EPN2: variants seen among roughly 807,000 people sequenced by gnomAD.
EPN2 encodes the protein epsin 2.
A neutral mutation model predicts 61.7 loss-of-function variants in EPN2; 34 were observed. That is an observed-to-expected ratio of 0.55 (90% CI 0.42 to 0.73). The LOEUF (loss-of-function observed/expected upper bound fraction) is 0.73, where lower values mean the gene tolerates loss of function less well. EPN2 is among the 30% of genes least tolerant of loss of function. The pLI is 0.00. For synonymous variants in EPN2, 349 were observed against 353.6 expected (o/e 0.99, Z 0.15); for missense variants, 714 against 839.2 (o/e 0.85, Z 1.84).
intron 1 of EPN2, among the ~76,000 whole-genome samples, chr17:19,247,930 CA>C (rs1490023368): frequency 1.3e-5 from 2 of 152,162 alleles, no homozygotes; most frequent in African/African-American, 4.8e-5. Flanking sequence ...TGGGAGCCTG[CA>C]AATCATGTGG....
intron 1 of EPN2, among the ~76,000 whole-genome samples, chr17:19,264,500 T>C (rs2045175768): frequency 6.6e-6 from 1 of 152,226 alleles, no homozygotes; most frequent in Non-Finnish European, 1.5e-5. Flanking sequence ...CTTATCTTGC[T>C]GATTCTCGCT....
chr17:19,299,364 T>A (rs973228331), intron 4 of EPN2, among the ~76,000 whole-genome samples: 55 of 152,240 alleles, frequency 3.6e-4, no homozygotes, highest in Admixed American at 6.5e-5. Flanking sequence ...TCAGAACCCC[T>A]CCTCCCACCC....
intron 4 of EPN2, among the ~76,000 whole-genome samples, chr17:19,293,346 G>C (rs2152222316): frequency 6.7e-6 from 1 of 149,876 alleles, no homozygotes; most frequent in Admixed American, 6.6e-5. Flanking sequence ...CTCCAGCCTG[G>C]GTGACAAGAG....
chr17:19,288,108 C>T (rs1475166894), intron 4 of EPN2, among the ~76,000 whole-genome samples: 3 of 152,248 alleles, frequency 2.0e-5, no homozygotes, highest in East Asian at 1.9e-4. Context: ...GAGCCTTTGA[C>T]GTTGCAGACC....
intron 4 of EPN2, among the ~76,000 whole-genome samples, chr17:19,301,825 G>A (rs1392676243): frequency 6.6e-6 from 1 of 152,058 alleles, no homozygotes; most frequent in Non-Finnish European, 1.5e-5. Flanking sequence ...ATTTGTTTAT[G>A]GTCTCTCCTT....
chr17:19,251,552 G>C (rs1014637656), intron 1 of EPN2, among the ~76,000 whole-genome samples: 2 of 152,046 alleles, frequency 1.3e-5, no homozygotes, highest in Admixed American at 6.6e-5. Flanking sequence ...TCTTGCCTCA[G>C]CCTCCTGAGT....
rs186521118 is a variant in EPN2, at chr17:19,267,815, A to G, written c.-293-14140A>G. ...CTCAGCCTCCCAAAGTGCCGGGATTACAGGCAGGAGCCACCGCGTCCGGCC... is the reference window on the plus strand; with the variant it reads ...CTCAGCCTCCCAAAGTGCCGGGATTGCAGGCAGGAGCCACCGCGTCCGGCC... On this transcript the variant is annotated intron_variant, in intron 1 of 10. Coordinates refer to ENST00000314728, the MANE Select transcript of EPN2 (RefSeq NM_014964.5). Among the ~76,000 whole-genome samples the G allele has an allele frequency of 4.6e-5, 7 of 152,300 alleles. No individual in the cohort carries two copies. In the East Asian group the frequency reaches 1.2e-3, roughly 25 times the overall value.
intron 1 of EPN2, among the ~76,000 whole-genome samples, chr17:19,241,159 A>G (rs1367386627): frequency 2.0e-5 from 3 of 152,320 alleles, no homozygotes; most frequent in South Asian, 2.1e-4. Flanking sequence ...GAAGAGACAC[A>G]CTGCAAGTTA....
At chr17:19,313,523 A>G (rs1329401953) in intron 7 of EPN2, 5 of 408,622 alleles carry the variant, frequency 1.2e-5, no homozygotes, top group Admixed American at 4.2e-5. Context: ...CCTCCCCTCA[A>G]CCTCCCATTT....
At position 19,283,309 on chromosome 17, in the gene EPN2, C is replaced by T; in HGVS notation, c.190C>T (p.Leu64=). The change falls in exon 3 of 11, where the codon CTG becomes TTG. Residue 64 remains leucine, a synonymous_variant. Coordinates refer to ENST00000314728, the MANE Select transcript of EPN2 (RefSeq NM_014964.5). The surrounding 1 kb of genome is among the most constrained non-coding windows in gnomAD (Gnocchi z 7.0). The stretch of plus-strand genomic sequence containing the variant: ...GATCATGAGCATGGTGTGGAAGCGG[C>T]TGAATGACCATGGCAAGAACTGGCG... ...SEIMSMVWKR[L]NDHGKNWRHV... is the part of the protein sequence containing the mutation. The T allele has an allele frequency of 6.2e-7, 1 of 1,614,126 alleles. No homozygotes were observed. The highest frequency in any genetic ancestry group is 8.5e-7 in the Non-Finnish European group (1 of 1,180,022).
In EPN2 at chr17:19,333,846, GCT is replaced by G. The variant is rs1186446344; in HGVS notation, c.1628-107_1628-106del. 3.5e-6 allele frequency: 3 copies of G among 860,622 alleles called. No individual in the cohort carries two copies. In the East Asian group the frequency reaches 8.6e-5, roughly 25 times the overall value. The allele number at this position is 860,622 out of a possible 1,614,324, so 53.3% of individuals were successfully genotyped here. A position where few individuals can be genotyped will look rare whatever the true frequency, so the allele number is the denominator to read the frequency against. ...ATGGACTCGGCCGGCACTGTCACGG[GCT>G]CTGAGGGCACAGCAGGGACCAGAAC... is the stretch of plus-strand genomic sequence containing the variant. On this transcript the variant is annotated intron_variant, in intron 10 of 10. Coordinates refer to ENST00000314728, the MANE Select transcript of EPN2 (RefSeq NM_014964.5).
At chr17:19,264,022 T>C (rs1307951319) in intron 1 of EPN2, among the ~76,000 whole-genome samples, 1 of 152,186 alleles carries the variant, frequency 6.6e-6, no homozygotes, top group Admixed American at 6.5e-5. Context: ...TTTCTGAGTT[T>C]AGGAGCAGCT....
chr17:19,243,450 C>T (rs545719345), intron 1 of EPN2, among the ~76,000 whole-genome samples: 16 of 134,348 alleles, frequency 1.2e-4, no homozygotes, highest in African/African-American at 2.1e-4. Flanking sequence ...TGGAGTGCAG[C>T]GGCGCGATCT....
chr17:19,329,346 C>G (rs994912179), intron 8 of EPN2: 29 of 516,590 alleles, frequency 5.6e-5, no homozygotes, highest in Non-Finnish European at 8.5e-5. Context: ...ATCCCACACC[C>G]TGTCCTGGGA....
chr17:19,298,337 G>A (rs2045541036), intron 4 of EPN2, among the ~76,000 whole-genome samples: 2 of 152,052 alleles, frequency 1.3e-5, no homozygotes, highest in Admixed American at 1.3e-4. Flanking sequence ...TGGGATTATA[G>A]GTGTGTGCCA....
chr17:19,243,242 CAG>C (rs1434170358), intron 1 of EPN2, among the ~76,000 whole-genome samples: 12 of 128,532 alleles, frequency 9.3e-5, no homozygotes, highest in East Asian at 2.3e-4. Context: ...TTTTTTGAGA[CAG>C]AGTCTTGTTC....
intron 4 of EPN2, among the ~76,000 whole-genome samples, chr17:19,293,398 C>CTT (rs1310731472): frequency 6.6e-6 from 1 of 150,390 alleles, no homozygotes; most frequent in Non-Finnish European, 1.5e-5. Context: ...AAGACAGGGT[C>CTT]TTGCTCTGTT....
intron 4 of EPN2, among the ~76,000 whole-genome samples, chr17:19,293,427 T>G (rs1273749499): frequency 1.3e-5 from 2 of 149,200 alleles, no homozygotes; most frequent in African/African-American, 2.5e-5. Context: ...TGGAGTGCAG[T>G]GGTGTGATTG....
At chr17:19,276,777 T>TTTTTTTTTTGTTTG (rs1479543609) in intron 1 of EPN2, among the ~76,000 whole-genome samples, 11 of 148,372 alleles carry the variant, frequency 7.4e-5, no homozygotes, top group South Asian at 4.2e-4. Flanking sequence ...GAATAAGTTT[T>TTTTTTTTTTGTTTG]TTTTTTTTTT....
Sources: gnomAD v4.1 joint callset for allele counts (sites outside exome capture counted in the v4.1 genomes callset) on GRCh38, gnomAD v4.1.1 for gene constraint, Gnocchi (gnomAD v3.1) non-coding constraint, MANE v1.5 for transcripts, NCBI Gene and HGNC (gene_info 2026-07-23, HGNC 2026-07-21) for gene names.